Variants in CDH12 observed in about 807,000 individuals in gnomAD.
CDH12 encodes cadherin 12.
CDH12 carries 41 observed loss-of-function variants against 74.1 expected under a neutral mutation model. The ratio of observed to expected loss-of-function variants is 0.55; its 90% confidence interval spans 0.43 to 0.72. The LOEUF is 0.72. CDH12 is among the 30% of genes least tolerant of loss of function. The probability of loss-of-function intolerance (pLI) is 0.00; values close to 1 mark genes in which losing one functional copy is unlikely to be tolerated. For synonymous variants in CDH12, 399 were observed against 355.0 expected, an observed-to-expected ratio of 1.12 and a Z score of -1.39; for missense variants, 945 against 977.2, an observed-to-expected ratio of 0.97 and a Z score of 0.44.
At position 21,865,865 on chromosome 5, in the gene CDH12, G is replaced by T. The variant is rs553136115; in HGVS notation, c.527-11075C>A. 1.1e-4 allele frequency among the ~76,000 whole-genome samples: 16 copies of T among 152,284 alleles called. No individual in the cohort carries two copies. The East Asian group carries it at 3.1e-3, about 29-fold the overall frequency. ...TACATCTGTACGAATGAGGCCATGTGATATGGTTTTGTTGTGTTCCCACCC... is the reference window on the plus strand; with the variant it reads ...TACATCTGTACGAATGAGGCCATGTTATATGGTTTTGTTGTGTTCCCACCC... On this transcript the variant is annotated intron_variant, in intron 6 of 14. Transcript: ENST00000382254.
At chr5:21,793,695 T>C (rs1746627122) in intron 10 of CDH12, among the ~76,000 whole-genome samples, 1 of 151,502 alleles carries the variant, frequency 6.6e-6, no homozygotes, top group Admixed American at 6.6e-5. Context: ...AAAGGTTTTA[T>C]TTTCCTCCTT....
intron 1 of CDH12, among the ~76,000 whole-genome samples, chr5:22,662,803 G>A (rs954912786): frequency 2.0e-5 from 3 of 152,094 alleles, no homozygotes; most frequent in African/African-American, 4.8e-5. Flanking sequence ...GGCTTGCTGG[G>A]CAAAGAAGGG....
intron 1 of CDH12, among the ~76,000 whole-genome samples, chr5:22,600,470 G>A (rs1184296373): frequency 1.3e-5 from 2 of 151,994 alleles, no homozygotes; most frequent in Admixed American, 1.3e-4. Context: ...GAGCTTTACT[G>A]TATATAAAAT....
chr5:22,199,453 A>G (rs760475398), intron 4 of CDH12, among the ~76,000 whole-genome samples: 2 of 152,210 alleles, frequency 1.3e-5, no homozygotes, highest in African/African-American at 2.4e-5. Context: ...ACAAGCTTTA[A>G]CTTTGTTAAA....
intron 8 of CDH12, among the ~76,000 whole-genome samples, chr5:21,823,443 T>C (rs1748480881): frequency 6.6e-6 from 1 of 152,124 alleles, no homozygotes; most frequent in Non-Finnish European, 1.5e-5. Flanking sequence ...CCTATATAGC[T>C]TGGCCATGTA....
At chr5:22,505,547 T>C (rs774591063) in intron 1 of CDH12, among the ~76,000 whole-genome samples, 183 bp from the exon 2 acceptor site, 6 of 152,286 alleles carry the variant, frequency 3.9e-5, no homozygotes, top group Non-Finnish European at 8.8e-5. Flanking sequence ...AATGTACTTT[T>C]GATGTATGTA....
intron 1 of CDH12, among the ~76,000 whole-genome samples, chr5:22,753,439 G>C (rs1357204978): frequency 7.8e-6 from 1 of 128,286 alleles, no homozygotes; most frequent in Admixed American, 8.1e-5. Context: ...TGTGTCAGAA[G>C]AAAAAAAAAA....
chr5:21,988,147 C>T (rs1416322988), intron 5 of CDH12, among the ~76,000 whole-genome samples: 15 of 152,082 alleles, frequency 9.9e-5, no homozygotes, highest in Admixed American at 8.5e-4. Context: ...CCCCATATAA[C>T]ACTACAACAG....
chr5:22,017,607 T>C (rs1210832866), intron 5 of CDH12, among the ~76,000 whole-genome samples: 1 of 152,102 alleles, frequency 6.6e-6, no homozygotes, highest in Admixed American at 6.5e-5. Context: ...TCAGAAACTG[T>C]CCTTCTATTG....
chr5:22,520,966 G>C (rs1236107257), intron 1 of CDH12, among the ~76,000 whole-genome samples: 2 of 151,098 alleles, frequency 1.3e-5, no homozygotes, highest in African/African-American at 4.8e-5. Context: ...AAGCAATCAA[G>C]CTTGCTCCCC....
At chr5:22,574,316 G>A (rs557352895) in intron 1 of CDH12, among the ~76,000 whole-genome samples, 1 of 151,996 alleles carries the variant, frequency 6.6e-6, no homozygotes, top group Admixed American at 6.6e-5. Flanking sequence ...CTGACCTACT[G>A]AGAGTATTTC....
chr5:22,022,635 A>C (rs746856044), intron 5 of CDH12, among the ~76,000 whole-genome samples: 1 of 152,206 alleles, frequency 6.6e-6, no homozygotes, highest in Non-Finnish European at 1.5e-5. Context: ...ATAATATCAC[A>C]GGCTGAGTAT....
chr5:21,903,243 C>G, intron 6 of CDH12, among the ~76,000 whole-genome samples: 1 of 152,080 alleles, frequency 6.6e-6, no homozygotes, highest in Non-Finnish European at 1.5e-5. Context: ...GAATTCTACA[C>G]AGCAATAGTA....
chr5:22,128,394 A>C (rs1745998314), intron 4 of CDH12, among the ~76,000 whole-genome samples: 1 of 148,858 alleles, frequency 6.7e-6, no homozygotes, highest in African/African-American at 2.5e-5. Flanking sequence ...TATAATCCTA[A>C]GAGAAAAAGT....
chr5:22,384,496 C>A (rs1163075764), intron 3 of CDH12, among the ~76,000 whole-genome samples: 1 of 138,386 alleles, frequency 7.2e-6, no homozygotes, highest in African/African-American at 2.7e-5. Context: ...ACTGCACTCC[C>A]GCCTGGGCCA....
chr5:22,401,726 A>G (rs1742737201), intron 3 of CDH12, among the ~76,000 whole-genome samples: 1 of 152,170 alleles, frequency 6.6e-6, no homozygotes, highest in African/African-American at 2.4e-5. Flanking sequence ...AAGAATGTCT[A>G]TAGATCTAAT....
At chr5:21,925,666 T>C (rs1428413184) in intron 6 of CDH12, among the ~76,000 whole-genome samples, 1 of 152,230 alleles carries the variant, frequency 6.6e-6, no homozygotes, top group Non-Finnish European at 1.5e-5. Context: ...TGCATATATT[T>C]ACAGTCTTTA....
chr5:22,550,942 G>A (rs1158337449), intron 1 of CDH12, among the ~76,000 whole-genome samples: 2 of 152,124 alleles, frequency 1.3e-5, no homozygotes, highest in Non-Finnish European at 2.9e-5. Context: ...TTGCACCTAA[G>A]AGTAAACTTA....
intron 1 of CDH12, among the ~76,000 whole-genome samples, chr5:22,731,443 A>T (rs1744427612): frequency 6.6e-6 from 1 of 151,868 alleles, no homozygotes. Flanking sequence ...CATTTCCTAT[A>T]TGAAGTCATA....
Sources: allele counts gnomAD v4.1 joint callset (sites outside exome capture counted in the v4.1 genomes callset), GRCh38; gene constraint gnomAD v4.1.1; transcripts MANE v1.5; gene names NCBI Gene and HGNC (gene_info 2026-07-23, HGNC 2026-07-21).